Variants in VEPH1 observed in about 807,000 individuals in gnomAD.
VEPH1 encodes the protein ventricular zone-expressed PH domain-containing protein homolog 1.
VEPH1 carries 80 observed loss-of-function variants against 85.2 expected under a neutral mutation model. That is an observed-to-expected ratio of 0.94 (90% CI 0.78 to 1.13). The LOEUF (loss-of-function observed/expected upper bound fraction) is 1.13. VEPH1 is among the 50% of genes most tolerant of loss of function. The pLI is 0.00. For missense variants in VEPH1, 955 were observed against 980.5 expected, an observed-to-expected ratio of 0.97 and a Z score of 0.35; for synonymous variants, 297 against 348.0, an observed-to-expected ratio of 0.85 and a Z score of 1.63.
At chr3:157,279,386 T>C (rs1715791949) in intron 12 of VEPH1, among the ~76,000 whole-genome samples, 1 of 152,196 alleles carries the variant, frequency 6.6e-6, no homozygotes, top group East Asian at 1.9e-4. Flanking sequence ...TTGCAGGTTG[T>C]TAATGACTAC....
At chr3:157,462,387 T>C (rs1261675027) in intron 3 of VEPH1, among the ~76,000 whole-genome samples, 1 of 152,130 alleles carries the variant, frequency 6.6e-6, no homozygotes, top group Admixed American at 6.6e-5. Context: ...CAGAATTGCA[T>C]ATTGTATGCA....
At chr3:157,415,350 C>T (rs1731829855) in intron 5 of VEPH1, 2 of 152,092 alleles carry the variant, frequency 1.3e-5, no homozygotes, top group African/African-American at 2.4e-5. Flanking sequence ...GAAATAATCA[C>T]ATCAGAAATG....
chr3:157,442,366 G>A (rs763139934), intron 4 of VEPH1: 1 of 1,602,410 alleles, frequency 6.2e-7, no homozygotes, highest in East Asian at 2.2e-5. Context: ...GCTACTCTAG[G>A]TTGTGAAACA....
chr3:157,475,477 G>C lies in VEPH1; in HGVS notation c.139-4948C>G, dbSNP rs147950491. ...TGTCATATTAGCTCATATTACGCTT[G>C]AGTTTTTTCTTAAGTTTTGAAGTTC... On this transcript the variant is annotated intron_variant, in intron 2 of 13. Transcript: ENST00000362010. 2.8e-4 allele frequency among the ~76,000 whole-genome samples: 43 copies of C among 152,278 alleles called. 1 individual carries two copies. The highest frequency in any genetic ancestry group is 1.9e-4 in the East Asian group (1 of 5,186).
intron 12 of VEPH1, among the ~76,000 whole-genome samples, chr3:157,285,639 A>G (rs1311719945): frequency 6.6e-6 from 1 of 152,220 alleles, no homozygotes; most frequent in African/African-American, 2.4e-5. Flanking sequence ...CCGAGTCAGC[A>G]TTGAGAGCTC....
intron 4 of VEPH1, among the ~76,000 whole-genome samples, chr3:157,443,834 G>T (rs1734332467): frequency 6.6e-6 from 1 of 152,128 alleles, no homozygotes; most frequent in Non-Finnish European, 1.5e-5. Flanking sequence ...GAGAAATCAA[G>T]GAATTGATGA....
At chr3:157,369,180 G>GAAAAAAAAAAACA (rs1553773037) in intron 7 of VEPH1, among the ~76,000 whole-genome samples, 24 of 42,788 alleles carry the variant, frequency 5.6e-4, no homozygotes, top group Non-Finnish European at 7.9e-4. Context: ...AAAACCAAAT[G>GAAAAAAAAAAACA]AAAAAAAAAA....
At chr3:157,494,430 C>G (rs1739487014) in intron 2 of VEPH1, among the ~76,000 whole-genome samples, 1 of 152,060 alleles carries the variant, frequency 6.6e-6, no homozygotes, top group Non-Finnish European at 1.5e-5. Context: ...CATGGAGGGT[C>G]CAAGTACAAT....
At chr3:157,427,680 A>G (rs976273705) in intron 5 of VEPH1, among the ~76,000 whole-genome samples, 2 of 151,880 alleles carry the variant, frequency 1.3e-5, no homozygotes, top group African/African-American at 2.4e-5. Flanking sequence ...GCCTCAAACT[A>G]CTGGCCTCAA....
intron 4 of VEPH1, among the ~76,000 whole-genome samples, chr3:157,448,898 A>G (rs751064439): frequency 1.1e-4 from 16 of 152,206 alleles, no homozygotes; most frequent in Non-Finnish European, 2.2e-4. Flanking sequence ...TACTTGAATC[A>G]TGAGGGTGGT....
intron 6 of VEPH1, among the ~76,000 whole-genome samples, chr3:157,395,234 T>A (rs1439625849): frequency 6.6e-6 from 1 of 152,166 alleles, no homozygotes; most frequent in African/African-American, 2.4e-5. Context: ...GAAAGGCAAA[T>A]CCATATCCTG....
chr3:157,317,041 A>G (rs1720824446), intron 10 of VEPH1, 21 bp downstream of exon 10: 1 of 1,602,968 alleles, frequency 6.2e-7, no homozygotes, highest in African/African-American at 1.3e-5. Context: ...AAAGAGCCTG[A>G]TGAACACAAA....
chr3:157,309,792 A>T (rs1301859919), intron 11 of VEPH1, among the ~76,000 whole-genome samples: 1 of 151,846 alleles, frequency 6.6e-6, no homozygotes, highest in Non-Finnish European at 1.5e-5. Flanking sequence ...TTATTTATTT[A>T]TTTTTGAGAC....
At chr3:157,408,563 T>C (rs1348969192) in intron 6 of VEPH1, among the ~76,000 whole-genome samples, 4 of 151,894 alleles carry the variant, frequency 2.6e-5, no homozygotes, top group Admixed American at 2.0e-4. Flanking sequence ...AGCTGAGAGG[T>C]ATAGGGAGGA....
intron 2 of VEPH1, chr3:157,489,143 C>G (rs750481262): frequency 4.4e-6 from 2 of 456,400 alleles, no homozygotes; most frequent in South Asian, 3.1e-5. Flanking sequence ...TCTGATTTCA[C>G]TCTTGCCTTT....
At chr3:157,491,588 A>C (rs771270920) in intron 2 of VEPH1, among the ~76,000 whole-genome samples, 19 of 152,146 alleles carry the variant, frequency 1.2e-4, no homozygotes, top group Non-Finnish European at 2.8e-4. Context: ...AGTAAAATCT[A>C]GTAAAGTTTA....
chr3:157,478,292 C>G (rs1737685377), intron 2 of VEPH1, among the ~76,000 whole-genome samples: 1 of 152,096 alleles, frequency 6.6e-6, no homozygotes, highest in Non-Finnish European at 1.5e-5. Flanking sequence ...AGCTGCATTA[C>G]AGTGCAAATT....
At chr3:157,370,681 T>C (rs1209968345) in intron 7 of VEPH1, among the ~76,000 whole-genome samples, 1 of 152,228 alleles carries the variant, frequency 6.6e-6, no homozygotes, top group African/African-American at 2.4e-5. Context: ...AAAGCAGAGA[T>C]GGGCAGGTAC....
intron 5 of VEPH1, among the ~76,000 whole-genome samples, chr3:157,419,746 T>C (rs1029936105): frequency 2.0e-5 from 3 of 152,134 alleles, no homozygotes; most frequent in African/African-American, 7.2e-5. Flanking sequence ...AGTTCAACCA[T>C]TTTGGAAGAT....
Sources: allele counts gnomAD v4.1 joint callset (sites outside exome capture counted in the v4.1 genomes callset), GRCh38; gene constraint gnomAD v4.1.1; transcripts MANE v1.5; gene names NCBI Gene and HGNC (gene_info 2026-07-23, HGNC 2026-07-21).